The following CNTNAP2 variants were observed in gnomAD, a reference collection of about 807,000 sequenced individuals.
The protein encoded by CNTNAP2 is contactin-associated protein-like 2.
A neutral mutation model predicts 155.2 loss-of-function variants in CNTNAP2; 98 were observed. That is an observed-to-expected ratio of 0.63 (90% confidence interval 0.54 to 0.75). The LOEUF (loss-of-function observed/expected upper bound fraction) is 0.75. Ranked by LOEUF, CNTNAP2 falls within the 30% of genes least tolerant of loss-of-function variation. CNTNAP2 has a pLI of 0.00. For missense variants in CNTNAP2, 1,727 were observed against 1,688.1 expected, an observed-to-expected ratio of 1.02 and a Z score of -0.40; for synonymous variants, 651 against 631.2, an observed-to-expected ratio of 1.03 and a Z score of -0.47.
At chr7:147,777,737 G>A (rs1163297688) in intron 13 of CNTNAP2, among the ~76,000 whole-genome samples, 1 of 152,174 alleles carries the variant, frequency 6.6e-6, no homozygotes, top group Non-Finnish European at 1.5e-5. Flanking sequence ...AGCTGAAAGT[G>A]GTGGTAGGAA....
intron 3 of CNTNAP2, among the ~76,000 whole-genome samples, chr7:146,946,658 G>T (rs1797182161): frequency 6.6e-6 from 1 of 152,024 alleles, no homozygotes; most frequent in Non-Finnish European, 1.5e-5. Flanking sequence ...TGTATAACTA[G>T]GCTCAAACAC....
chr7:147,069,776 TC>T (rs1799854108), intron 4 of CNTNAP2, among the ~76,000 whole-genome samples: 1 of 152,246 alleles, frequency 6.6e-6, no homozygotes, highest in African/African-American at 2.4e-5. Context: ...AATAGAATTT[TC>T]TGTGATAGAG....
At chr7:146,916,709 CT>C (rs1263478188) in intron 3 of CNTNAP2, among the ~76,000 whole-genome samples, 1 of 151,942 alleles carries the variant, frequency 6.6e-6, no homozygotes, top group African/African-American at 2.4e-5. Context: ...CTTTTCTCTT[CT>C]TTTTTTGGTT....
intron 1 of CNTNAP2, among the ~76,000 whole-genome samples, chr7:146,670,893 C>G (rs995095176): frequency 6.6e-6 from 1 of 152,288 alleles, no homozygotes; most frequent in South Asian, 2.1e-4. Flanking sequence ...CTGTCTTATT[C>G]ATGTACAAGA....
chr7:148,254,604 G>A (rs1407372734), intron 20 of CNTNAP2, among the ~76,000 whole-genome samples: 3 of 151,856 alleles, frequency 2.0e-5, no homozygotes, highest in Non-Finnish European at 2.9e-5. Context: ...GTGAAACCCC[G>A]TCTCAACTAA....
chr7:146,955,036 C>T (rs1797403999), intron 3 of CNTNAP2, among the ~76,000 whole-genome samples: 1 of 151,934 alleles, frequency 6.6e-6, no homozygotes, highest in African/African-American at 2.4e-5. Flanking sequence ...GGAACTGTCA[C>T]CTCCTATGAC....
chr7:147,227,515 G>T (rs1162912898), intron 8 of CNTNAP2, among the ~76,000 whole-genome samples: 1 of 152,140 alleles, frequency 6.6e-6, no homozygotes, highest in African/African-American at 2.4e-5. Flanking sequence ...TATCCAGGTC[G>T]TTTTATTGGT....
chr7:148,205,912 C>T (rs564430480), intron 18 of CNTNAP2, among the ~76,000 whole-genome samples: 2 of 152,092 alleles, frequency 1.3e-5, no homozygotes, highest in African/African-American at 2.4e-5. Flanking sequence ...AAGGCATTCA[C>T]CTTTAACCTC....
chr7:147,636,991 C>G (rs762994611), intron 12 of CNTNAP2, among the ~76,000 whole-genome samples: 31 of 152,020 alleles, frequency 2.0e-4, no homozygotes, highest in Middle Eastern at 3.4e-3. Context: ...AAGGAGGGAC[C>G]CTGCTGATGT....
rs115293125 is a variant in CNTNAP2 at position 146,398,318 on chromosome 7, G to A, written c.97+281345G>A. Reference sequence around the variant, plus strand: ...AGGAATCAGGGAACTTATAATCATGGTGGAAAGGGAAACAAGCATGTCCTT... The same window carrying A: ...AGGAATCAGGGAACTTATAATCATGATGGAAAGGGAAACAAGCATGTCCTT... On this transcript the variant is annotated intron_variant, in intron 1 of 23. Transcript: ENST00000361727. Among the ~76,000 whole-genome samples the A allele has an allele frequency of 2.1e-3, 312 of 151,774 alleles. 2 individuals are homozygous for A. Among genetic ancestry groups the A allele is most frequent in the African/African-American group, 7.3e-3 (301 of 41,360 alleles).
intron 14 of CNTNAP2, among the ~76,000 whole-genome samples, chr7:147,955,136 T>C (rs1476675748): frequency 6.6e-6 from 1 of 152,214 alleles, no homozygotes; most frequent in Non-Finnish European, 1.5e-5. Context: ...TCCAAGTATA[T>C]GGATTAAGAT....
chr7:146,400,353 C>T (rs1394604485), intron 1 of CNTNAP2, among the ~76,000 whole-genome samples: 2 of 152,084 alleles, frequency 1.3e-5, no homozygotes, highest in African/African-American at 2.4e-5. Flanking sequence ...GTATTGTTCT[C>T]GACTTTGTTT....
At chr7:146,243,600 ATATT>A (rs1799597772) in intron 1 of CNTNAP2, among the ~76,000 whole-genome samples, 1 of 152,160 alleles carries the variant, frequency 6.6e-6, no homozygotes, top group South Asian at 2.1e-4. Context: ...TTCAAAGAAA[ATATT>A]TAATGGTGAA....
chr7:146,499,710 T>A (rs1270541345), intron 1 of CNTNAP2, among the ~76,000 whole-genome samples: 1 of 152,064 alleles, frequency 6.6e-6, no homozygotes, highest in Admixed American at 6.6e-5. Flanking sequence ...CCTGTTCCTG[T>A]GTTAGTTTGC....
intron 15 of CNTNAP2, among the ~76,000 whole-genome samples, chr7:148,007,358 A>G (rs1802000192): frequency 6.6e-6 from 1 of 152,192 alleles, no homozygotes; most frequent in African/African-American, 2.4e-5. Context: ...TGTGCTGCTT[A>G]TGTAGGAAGT....
At chr7:146,483,313 A>ATATATATATATG (rs1797003706) in intron 1 of CNTNAP2, among the ~76,000 whole-genome samples, 2 of 92,870 alleles carry the variant, frequency 2.2e-5, no homozygotes, top group Non-Finnish European at 4.3e-5. Context: ...ATATATATAT[A>ATATATATATATG]TATATATATA....
At chr7:148,219,602 C>T (rs1413772657) in intron 19 of CNTNAP2, among the ~76,000 whole-genome samples, 1 of 152,170 alleles carries the variant, frequency 6.6e-6, no homozygotes, top group Non-Finnish European at 1.5e-5. Context: ...AAGGCTGAGG[C>T]AGGATGATTG....
chr7:146,244,910 G>A (rs542677977), intron 1 of CNTNAP2, among the ~76,000 whole-genome samples: 87 of 152,170 alleles, frequency 5.7e-4, no homozygotes, highest in African/African-American at 2.0e-3. Flanking sequence ...CCAGTCCTGG[G>A]TGGGGGCAAA....
At chr7:148,061,510 C>T (rs1277182886) in intron 15 of CNTNAP2, among the ~76,000 whole-genome samples, 2 of 152,006 alleles carry the variant, frequency 1.3e-5, no homozygotes, top group African/African-American at 4.8e-5. Flanking sequence ...CACGCCATCA[C>T]GCCTGGCTAA....
Sources: gnomAD v4.1 joint callset for allele counts (sites outside exome capture counted in the v4.1 genomes callset) on GRCh38, gnomAD v4.1.1 for gene constraint, MANE v1.5 for transcripts, NCBI Gene and HGNC (gene_info 2026-07-23, HGNC 2026-07-21) for gene names.